GALNT17: variants seen among roughly 807,000 people sequenced by gnomAD.
The protein encoded by GALNT17 is UDP-GalNAc:polypeptide N-acetylgalactosaminyltransferase-like 3.
GALNT17 carries 29 observed loss-of-function variants against 63.7 expected under a neutral mutation model. The observed-to-expected ratio is 0.46, with a 90% CI of 0.34 to 0.62. The LOEUF is 0.62. Among genes scored for constraint, GALNT17 ranks in the 20% least tolerant of loss-of-function variants. GALNT17 has a pLI of 0.01. For missense variants in GALNT17, 603 were observed against 799.6 expected (o/e 0.75, Z 2.97); for synonymous variants, 305 against 318.3 (o/e 0.96, Z 0.45).
chr7:71,309,409 A>G (rs941373103), intron 1 of GALNT17, among the ~76,000 whole-genome samples: 5 of 151,914 alleles, frequency 3.3e-5, no homozygotes, highest in African/African-American at 1.2e-4. Context: ...GCTGGGAAGG[A>G]GTTTCCACCC....
chr7:71,374,579 A>C (rs752507790), intron 2 of GALNT17, among the ~76,000 whole-genome samples: 5 of 152,220 alleles, frequency 3.3e-5, no homozygotes, highest in Non-Finnish European at 7.3e-5. Flanking sequence ...GGTAGAGAAA[A>C]CAGACTTTGC....
chr7:71,141,239 C>T lies in GALNT17; in HGVS notation c.238+8199C>T, dbSNP rs529696349. On this transcript the variant is annotated intron_variant, in intron 1 of 10. Coordinates refer to ENST00000333538, the MANE Select transcript of GALNT17 (RefSeq NM_022479.3). ...AAAAATAGCCAGGCATGGTGGCAAGCGCCTGTAATCCCAGCTACTCGGGGG... is the reference window on the plus strand; with the variant it reads ...AAAAATAGCCAGGCATGGTGGCAAGTGCCTGTAATCCCAGCTACTCGGGGG... 1.3e-3 allele frequency among the ~76,000 whole-genome samples: 201 copies of T among 151,804 alleles called. 1 individual carries two copies. The highest frequency in any genetic ancestry group is 2.4e-3 in the Admixed American group (37 of 15,244).
intron 1 of GALNT17, among the ~76,000 whole-genome samples, chr7:71,177,045 C>T (rs1192919235): frequency 2.0e-5 from 3 of 152,152 alleles, no homozygotes; most frequent in Non-Finnish European, 4.4e-5. Flanking sequence ...GTAATATGCA[C>T]TTGCTGGGCT....
chr7:71,610,051 T>A (rs923418711), intron 6 of GALNT17, among the ~76,000 whole-genome samples: 12 of 152,128 alleles, frequency 7.9e-5, no homozygotes, highest in Non-Finnish European at 1.6e-4. Context: ...CAAAAATTGA[T>A]CTACTAAGCT....
chr7:71,570,840 A>G (rs1248913815), intron 5 of GALNT17, among the ~76,000 whole-genome samples: 1 of 152,026 alleles, frequency 6.6e-6, no homozygotes, highest in African/African-American at 2.4e-5. Flanking sequence ...TTAGCTGTGC[A>G]TGGTGGCGCA....
In GALNT17 at chr7:71,409,015, CAA is replaced by C. The variant is rs1491559597; in HGVS notation, c.590-6872_590-6871del. 4.9e-3 allele frequency among the ~76,000 whole-genome samples: 543 copies of C among 110,448 alleles called. 6 individuals carry two copies. Among genetic ancestry groups the C allele is most frequent in the African/African-American group, 0.016 (409 of 25,292 alleles). 72.5% of individuals were successfully genotyped at this position (110,448 alleles called of 152,430 possible). A position where few individuals can be genotyped will look rare whatever the true frequency, so the allele number is the denominator to read the frequency against. ...ACACATACATATATATGCACATACA[CAA>C]ACACACACACACACACACACACACA... On this transcript the variant is annotated intron_variant, in intron 3 of 10. Coordinates refer to ENST00000333538, the MANE Select transcript of GALNT17 (RefSeq NM_022479.3).
chr7:71,418,087 C>G (rs944257361), intron 4 of GALNT17, among the ~76,000 whole-genome samples: 3 of 152,178 alleles, frequency 2.0e-5, no homozygotes, highest in African/African-American at 7.2e-5. Context: ...TCAGGACTTT[C>G]AGTGGTAAGG....
Position 71,642,933 on chromosome 7 carries a change from C to T in GALNT17, c.1081-22478C>T, listed in dbSNP as rs796327834. On this transcript the variant is annotated intron_variant, in intron 6 of 10. Transcript: ENST00000333538. ...AGTGCCCTGCCTGTCATTAAATCTA[C>T]GGAAAATGTATGAAGAACAGGTTTT... is the stretch of plus-strand genomic sequence containing the variant. Among the ~76,000 whole-genome samples the T allele has an allele frequency of 8.0e-4, 122 of 152,302 alleles. 3 individuals carry two copies. Among genetic ancestry groups the T allele is most frequent in the African/African-American group, 1.1e-3 (44 of 41,566 alleles).
intron 1 of GALNT17, among the ~76,000 whole-genome samples, chr7:71,246,183 G>A (rs1407154125): frequency 5.5e-4 from 77 of 141,198 alleles, no homozygotes; most frequent in Non-Finnish European, 1.0e-3. Context: ...GTGCAATGGC[G>A]CGATCTCTGC....
intron 3 of GALNT17, among the ~76,000 whole-genome samples, chr7:71,398,024 T>A (rs188344800): frequency 6.6e-6 from 1 of 152,260 alleles, no homozygotes; most frequent in African/African-American, 2.4e-5. Context: ...TTTTGCATGT[T>A]CTTTTTTCCT....
chr7:71,572,519 A>AAC (rs1562695992), intron 6 of GALNT17, among the ~76,000 whole-genome samples: 4 of 148,210 alleles, frequency 2.7e-5, no homozygotes, highest in Admixed American at 6.7e-5. Context: ...AAAAAAAAAA[A>AAC]AAAAAAAAAA....
At chr7:71,559,923 G>A (rs758690307) in intron 5 of GALNT17, among the ~76,000 whole-genome samples, 4 of 151,252 alleles carry the variant, frequency 2.6e-5, no homozygotes, top group Non-Finnish European at 4.4e-5. Flanking sequence ...AGCCAGGCGC[G>A]GTAGCTCACG....
intron 5 of GALNT17, among the ~76,000 whole-genome samples, chr7:71,541,278 C>T (rs1788887145): frequency 6.7e-6 from 1 of 150,188 alleles, no homozygotes; most frequent in Non-Finnish European, 1.5e-5. Context: ...GATGGGTGGC[C>T]TGGCCTTATG....
At chr7:71,225,778 G>A (rs1417543965) in intron 1 of GALNT17, among the ~76,000 whole-genome samples, 2 of 152,132 alleles carry the variant, frequency 1.3e-5, no homozygotes, top group Admixed American at 1.3e-4. Context: ...ATTTAAATGA[G>A]CAATAATGGG....
chr7:71,544,922 G>A (rs1213640777), intron 5 of GALNT17, among the ~76,000 whole-genome samples: 2 of 151,894 alleles, frequency 1.3e-5, no homozygotes, highest in Non-Finnish European at 2.9e-5. Context: ...TTTTTCTGGG[G>A]ATCAAATGCG....
intron 5 of GALNT17, among the ~76,000 whole-genome samples, chr7:71,508,735 A>G (rs1351693599): frequency 1.3e-5 from 2 of 151,900 alleles, no homozygotes; most frequent in East Asian, 3.9e-4. Context: ...GCGTTTTACT[A>G]TCTCCCTGCT....
chr7:71,410,333 C>T (rs1793408021), intron 3 of GALNT17, among the ~76,000 whole-genome samples: 1 of 151,990 alleles, frequency 6.6e-6, no homozygotes. Context: ...GCAACCTCCA[C>T]CTCCCAGGTT....
chr7:71,293,835 A>G (rs972756241), intron 1 of GALNT17, among the ~76,000 whole-genome samples: 1 of 152,134 alleles, frequency 6.6e-6, no homozygotes, highest in Admixed American at 6.5e-5. Context: ...TTTGAATGTG[A>G]TGAGGCACTT....
chr7:71,226,872 T>C (rs547189171), intron 1 of GALNT17, among the ~76,000 whole-genome samples: 1 of 152,060 alleles, frequency 6.6e-6, no homozygotes, highest in Non-Finnish European at 1.5e-5. Context: ...TGGGTCTCCT[T>C]TGGAAAAGAA....
Sources: gnomAD v4.1 joint callset for allele counts (sites outside exome capture counted in the v4.1 genomes callset) on GRCh38, gnomAD v4.1.1 for gene constraint, MANE v1.5 for transcripts, NCBI Gene and HGNC (gene_info 2026-07-23, HGNC 2026-07-21) for gene names.